HS3ST3A1: variants seen among roughly 807,000 people sequenced by gnomAD.
HS3ST3A1 encodes heparan sulfate-glucosamine 3-sulfotransferase 3A1.
Under a neutral mutation model 25.7 loss-of-function variants are expected in HS3ST3A1, and 19 were observed. The observed-to-expected ratio is 0.74, with a 90% confidence interval of 0.52 to 1.08. The LOEUF (loss-of-function observed/expected upper bound fraction) is 1.08. Among genes scored for constraint, HS3ST3A1 ranks in the 50% least tolerant of loss-of-function variants. HS3ST3A1 has a pLI of 0.00. For synonymous variants in HS3ST3A1, 226 were observed against 278.6 expected, an observed-to-expected ratio of 0.81 and a Z score of 1.88; for missense variants, 459 against 594.3, an observed-to-expected ratio of 0.77 and a Z score of 2.37.
intron 1 of HS3ST3A1, among the ~76,000 whole-genome samples, chr17:13,589,426 T>A (rs953989719): frequency 2.0e-5 from 3 of 152,198 alleles, no homozygotes; most frequent in Non-Finnish European, 4.4e-5. Flanking sequence ...AGATCCAATC[T>A]GTTTTCTTTC....
At chr17:13,536,272 C>T (rs1906767178) in intron 1 of HS3ST3A1, among the ~76,000 whole-genome samples, 1 of 150,496 alleles carries the variant, frequency 6.6e-6, no homozygotes, top group Non-Finnish European at 1.5e-5. Flanking sequence ...TGAGCTTATG[C>T]TATTTTTTAA....
Position 13,600,786 on chromosome 17 carries a change from T to G in HS3ST3A1, c.344A>C (p.Glu115Ala). The G allele has an allele frequency of 6.9e-7, 1 of 1,450,846 alleles. No individual in the cohort carries two copies. Among genetic ancestry groups the G allele is most frequent in the South Asian group, 1.4e-5 (1 of 71,790 alleles). 89.9% of individuals were successfully genotyped at this position (1,450,846 alleles called of 1,614,324 possible). A position where few individuals can be genotyped will look rare whatever the true frequency, so the allele number is the denominator to read the frequency against. The change falls in exon 1 of 2, where the codon GAA (glutamate) becomes GCA (alanine). Residue 115 changes from glutamate (E) to alanine (A), a missense_variant. Glu to Ala is a moderately radical substitution (Grantham distance 107). Coordinates refer to ENST00000284110, the MANE Select transcript of HS3ST3A1 (RefSeq NM_006042.3). ...RDDGEEAAWE[E>A]ESPGLSGGPG... The stretch of plus-strand genomic sequence containing the variant: ...ACCCCCTGACAGGCCAGGGGACTCT[T>G]CTTCCCAGGCCGCCTCCTCGCCGTC...
chr17:13,570,407 T>C (rs1907771420), intron 1 of HS3ST3A1, among the ~76,000 whole-genome samples: 1 of 152,224 alleles, frequency 6.6e-6, no homozygotes, highest in Non-Finnish European at 1.5e-5. Context: ...TAATATCACC[T>C]TATACGGTTT....
At chr17:13,579,045 C>A (rs150858725) in intron 1 of HS3ST3A1, among the ~76,000 whole-genome samples, 2 of 152,080 alleles carry the variant, frequency 1.3e-5, no homozygotes, top group African/African-American at 4.8e-5. Context: ...ATGCCTAGCA[C>A]TGTGTATCTT....
intron 1 of HS3ST3A1, among the ~76,000 whole-genome samples, chr17:13,587,448 G>A (rs570761355): frequency 1.5e-4 from 23 of 152,298 alleles, no homozygotes; most frequent in Admixed American, 1.4e-3. Flanking sequence ...GTGAGACTCC[G>A]TCTCAAAAAT....
chr17:13,511,914 G>A (rs978205772), intron 1 of HS3ST3A1, among the ~76,000 whole-genome samples: 15 of 151,954 alleles, frequency 9.9e-5, no homozygotes, highest in Admixed American at 7.9e-4. Flanking sequence ...TTAAATACAC[G>A]TGGAAATAAT....
At chr17:13,509,841 A>G (rs75571992) in intron 1 of HS3ST3A1, among the ~76,000 whole-genome samples, 155 of 152,248 alleles carry the variant, frequency 1.0e-3, no homozygotes, top group Middle Eastern at 3.4e-3. Context: ...AGAACACAAA[A>G]AGCCAGGCTT....
intron 1 of HS3ST3A1, among the ~76,000 whole-genome samples, chr17:13,582,245 T>G (rs903488956): frequency 6.6e-6 from 1 of 152,214 alleles, no homozygotes; most frequent in Admixed American, 6.5e-5. Flanking sequence ...AACTTTCTGT[T>G]TTCAAGGAAA....
chr17:13,586,024 A>T (rs935831059), intron 1 of HS3ST3A1, among the ~76,000 whole-genome samples: 3 of 150,212 alleles, frequency 2.0e-5, no homozygotes, highest in Admixed American at 6.6e-5. Context: ...AATTTTTTGT[A>T]TTTTAGTAGA....
chr17:13,535,118 T>C (rs1393565727), intron 1 of HS3ST3A1, among the ~76,000 whole-genome samples: 1 of 152,232 alleles, frequency 6.6e-6, no homozygotes, highest in African/African-American at 2.4e-5. Flanking sequence ...GCTAGGTTCC[T>C]ATGAGTTTCT....
chr17:13,503,643 T>C (rs1350125207), intron 1 of HS3ST3A1, among the ~76,000 whole-genome samples: 1 of 152,170 alleles, frequency 6.6e-6, no homozygotes, highest in Non-Finnish European at 1.5e-5. Flanking sequence ...TCATCGGTCA[T>C]CAGGAAAATG....
At chr17:13,521,857 G>A (rs539658783) in intron 1 of HS3ST3A1, among the ~76,000 whole-genome samples, 16 of 152,262 alleles carry the variant, frequency 1.1e-4, no homozygotes, top group South Asian at 1.0e-3. Flanking sequence ...CACGACTGAC[G>A]TTCCAGGATG....
At chr17:13,596,935 C>T (rs909751417) in intron 1 of HS3ST3A1, among the ~76,000 whole-genome samples, 3 of 151,998 alleles carry the variant, frequency 2.0e-5, no homozygotes, top group Non-Finnish European at 2.9e-5. Flanking sequence ...GGGCCATGAT[C>T]GTTCGAGGCC....
chr17:13,526,083 T>C (rs966447806), intron 1 of HS3ST3A1, among the ~76,000 whole-genome samples: 2 of 151,914 alleles, frequency 1.3e-5, no homozygotes, highest in Admixed American at 1.3e-4. Context: ...ATCCTGCTTG[T>C]TCAGTCCTGG....
At chr17:13,556,528 G>GAAAAT in intron 1 of HS3ST3A1, among the ~76,000 whole-genome samples, 1 of 149,392 alleles carries the variant, frequency 6.7e-6, no homozygotes, top group African/African-American at 2.5e-5. Context: ...TAAAATAAAA[G>GAAAAT]AAAATAAAAT....
At chr17:13,525,649 G>A (rs1044254253) in intron 1 of HS3ST3A1, among the ~76,000 whole-genome samples, 3 of 152,092 alleles carry the variant, frequency 2.0e-5, no homozygotes, top group African/African-American at 7.2e-5. Flanking sequence ...ATCATAGAGG[G>A]TCAGGAAGGC....
intron 1 of HS3ST3A1, among the ~76,000 whole-genome samples, chr17:13,544,949 T>TC (rs896220512): frequency 1.3e-5 from 2 of 151,982 alleles, no homozygotes; most frequent in African/African-American, 4.8e-5. Context: ...GTTGGGCAAT[T>TC]CCCCCCAGAA....
rs118092160 is a variant in HS3ST3A1 at position 13,545,846 on chromosome 17, G to A, written c.600-49028C>T. Among the ~76,000 whole-genome samples the A allele has an allele frequency of 6.0e-3, 915 of 152,144 alleles. 7 individuals are homozygous for A. Among genetic ancestry groups the A allele is most frequent in the Non-Finnish European group, 0.011 (719 of 67,996 alleles). On this transcript the variant is annotated intron_variant, in intron 1 of 1. Coordinates refer to ENST00000284110, the MANE Select transcript of HS3ST3A1 (RefSeq NM_006042.3). ...AAAAATTAGCCGGGTGTGGTGGTGC[G>A]CACCTATAGAGTCCCAGCTACTCAG...
intron 1 of HS3ST3A1, among the ~76,000 whole-genome samples, chr17:13,550,140 T>C (rs1962572664): frequency 6.6e-6 from 1 of 152,194 alleles, no homozygotes; most frequent in Admixed American, 6.5e-5. Context: ...CTGAATCCGT[T>C]TAGTAGTAGT....
Sources: allele counts gnomAD v4.1 joint callset (sites outside exome capture counted in the v4.1 genomes callset), GRCh38; gene constraint gnomAD v4.1.1; transcripts MANE v1.5; gene names NCBI Gene and HGNC (gene_info 2026-07-23, HGNC 2026-07-21).